The following GRK5 variants were observed in gnomAD, a reference collection of about 807,000 sequenced individuals.
GRK5 encodes the protein G protein-coupled receptor kinase 5.
Under a neutral mutation model 78.4 loss-of-function variants are expected in GRK5, and 40 were observed. That is an observed-to-expected ratio of 0.51 (90% CI 0.40 to 0.66). The LOEUF (loss-of-function observed/expected upper bound fraction) is 0.66. Ranked by LOEUF, GRK5 falls within the 30% of genes least tolerant of loss-of-function variation. The pLI, the probability that GRK5 is intolerant of heterozygous loss-of-function variation, is 0.00. For synonymous variants in GRK5, 289 were observed against 296.8 expected, an observed-to-expected ratio of 0.97 and a Z score of 0.27; for missense variants, 598 against 759.9, an observed-to-expected ratio of 0.79 and a Z score of 2.50.
intron 3 of GRK5, among the ~76,000 whole-genome samples, chr10:119,385,656 T>G (rs1851782007): frequency 6.6e-6 from 1 of 152,152 alleles, no homozygotes; most frequent in African/African-American, 2.4e-5. Flanking sequence ...AGAGAAGAGT[T>G]AAGGAAGACT....
intron 1 of GRK5, among the ~76,000 whole-genome samples, chr10:119,291,234 T>C (rs1849949061): frequency 6.6e-6 from 1 of 152,182 alleles, no homozygotes; most frequent in African/African-American, 2.4e-5. Flanking sequence ...AAGCTGCCAT[T>C]GGAGGTGAAG....
intron 1 of GRK5, among the ~76,000 whole-genome samples, chr10:119,300,650 G>A (rs1344586301): frequency 6.6e-6 from 1 of 152,210 alleles, no homozygotes; most frequent in Admixed American, 6.5e-5. Flanking sequence ...TTTGGGAGAT[G>A]ATCTCACCTG....
At chr10:119,261,439 C>T (rs1433848769) in intron 1 of GRK5, among the ~76,000 whole-genome samples, 8 of 144,120 alleles carry the variant, frequency 5.6e-5, no homozygotes, top group African/African-American at 2.1e-4. Flanking sequence ...AGAGGGGCTC[C>T]TCACATCCCA....
intron 1 of GRK5, among the ~76,000 whole-genome samples, chr10:119,208,374 G>T (rs1038533100): frequency 2.8e-4 from 43 of 152,220 alleles, no homozygotes; most frequent in African/African-American, 9.1e-4. Context: ...AGGGGCGGGG[G>T]TGGAATGAGC....
chr10:119,260,930 C>T (rs1849373568), intron 1 of GRK5, among the ~76,000 whole-genome samples: 1 of 152,130 alleles, frequency 6.6e-6, no homozygotes, highest in African/African-American at 2.4e-5. Context: ...GCACACCTCC[C>T]AGACGGGGTG....
rs544222738 is a variant in GRK5, at chr10:119,356,899, A to C, written c.149-23916A>C. Among the ~76,000 whole-genome samples, 12 of 152,346 alleles carry C rather than the reference A, an allele frequency of 7.9e-5. No homozygotes were observed. In the East Asian group the frequency reaches 2.3e-3, roughly 29 times the overall value. On this transcript the variant is annotated intron_variant, in intron 2 of 15. Coordinates refer to ENST00000392870, the MANE Select transcript of GRK5 (RefSeq NM_005308.3). ...AACGATAAAGGCTTTGCTTTACTAA[A>C]ATTTGCTGTGCCAGCCCTCTCTTTA...
chr10:119,221,062 G>A (rs538279289), intron 1 of GRK5, among the ~76,000 whole-genome samples: 2 of 145,656 alleles, frequency 1.4e-5, no homozygotes, highest in African/African-American at 5.1e-5. Context: ...AGGCTGAAGG[G>A]AGAGAATGGC....
chr10:119,209,940 G>A (rs987892961), intron 1 of GRK5, among the ~76,000 whole-genome samples: 13 of 151,652 alleles, frequency 8.6e-5, no homozygotes, highest in African/African-American at 4.9e-5. Context: ...AATTCCACCC[G>A]CCCCCTCCAA....
At chr10:119,209,670 G>A (rs1848454115) in intron 1 of GRK5, among the ~76,000 whole-genome samples, 1 of 151,826 alleles carries the variant, frequency 6.6e-6, no homozygotes, top group Admixed American at 6.6e-5. Context: ...CTAGTGGTGG[G>A]ACACGGTTGT....
chr10:119,207,752 G>T lies in GRK5; in HGVS notation c.-166G>T, dbSNP rs1213670619. The stretch of plus-strand genomic sequence containing the variant: ...GCGGCGGCTCCTCTTTGCAGAGGGG[G>T]AAACTCTTGGGCTGAGAGCAGGAAT... On this transcript the variant is annotated 5_prime_UTR_variant, in exon 1 of 16. Transcript: ENST00000392870. 4 of 650,914 alleles carry T rather than the reference G, an allele frequency of 6.1e-6. No individual in the cohort carries two copies. Among genetic ancestry groups the T allele is most frequent in the African/African-American group, 5.9e-5 (3 of 50,836 alleles). 40.3% of individuals were successfully genotyped at this position (650,914 alleles called of 1,614,324 possible).
chr10:119,443,539 C>T lies in GRK5; in HGVS notation c.1058-5C>T. 3 of 1,599,640 alleles carry T rather than the reference C, an allele frequency of 1.9e-6. No individual in the cohort carries two copies. The highest frequency in any genetic ancestry group is 2.6e-6 in the Non-Finnish European group (3 of 1,168,194). Reference sequence around the variant, plus strand: ...TCACTCCTCTCTCCTCTCCTCTGCCCCCAGCTCCAGAGGTCCTGAACAACC... The same window carrying T: ...TCACTCCTCTCTCCTCTCCTCTGCCTCCAGCTCCAGAGGTCCTGAACAACC... On this transcript the variant is annotated splice_polypyrimidine_tract_variant and splice_region_variant and intron_variant, in intron 11 of 15. Coordinates refer to ENST00000392870, the MANE Select transcript of GRK5 (RefSeq NM_005308.3).
intron 1 of GRK5, among the ~76,000 whole-genome samples, chr10:119,292,726 G>C (rs4752280): frequency 1 from 152,202 of 152,356 alleles, 76,024 homozygotes; most frequent in East Asian, 1. Context: ...CCTATACACA[G>C]CCTCTGGTAT....
chr10:119,307,786 C>T (rs984694050), intron 1 of GRK5, among the ~76,000 whole-genome samples: 1 of 152,118 alleles, frequency 6.6e-6, no homozygotes, highest in Non-Finnish European at 1.5e-5. Flanking sequence ...GCCCTCCTTT[C>T]TGCATACACA....
rs1401448437 is a variant in GRK5 at position 119,217,115 on chromosome 10, C to G, written c.52+9146C>G. On this transcript the variant is annotated intron_variant, in intron 1 of 15. Coordinates refer to ENST00000392870, the MANE Select transcript of GRK5 (RefSeq NM_005308.3). The surrounding 1 kb of genome is among the most constrained non-coding windows in gnomAD (Gnocchi z 4.1). ...ATAATATATGCCAAAACAACAAACT[C>G]TTCTCGAGATGGTAGGGTTTTTAAG... Among the ~76,000 whole-genome samples the G allele has an allele frequency of 7.2e-5, 11 of 152,142 alleles. No homozygotes were observed. The highest frequency in any genetic ancestry group is 2.4e-4 in the African/African-American group (10 of 41,420).
chr10:119,441,938 A>T, intron 10 of GRK5, 61 bp from the exon 11 acceptor site: 1 of 1,374,044 alleles, frequency 7.3e-7, no homozygotes, highest in Non-Finnish European at 1.0e-6. Flanking sequence ...AAGGGCACAC[A>T]GCAAGGCCGG....
intron 2 of GRK5, among the ~76,000 whole-genome samples, chr10:119,346,190 G>A (rs1158469378): frequency 1.3e-5 from 2 of 152,198 alleles, no homozygotes; most frequent in Non-Finnish European, 2.9e-5. Context: ...CAAAACCAGT[G>A]AGCAAGCAAG....
intron 5 of GRK5, among the ~76,000 whole-genome samples, chr10:119,424,119 A>G (rs1355149960): frequency 6.6e-6 from 1 of 152,132 alleles, no homozygotes; most frequent in Non-Finnish European, 1.5e-5. Context: ...GGGCAGAGCA[A>G]GCTTGGTTGC....
intron 4 of GRK5, among the ~76,000 whole-genome samples, chr10:119,408,163 C>CAAAAAAA (rs34029208): frequency 8.1e-5 from 6 of 73,930 alleles, no homozygotes; most frequent in East Asian, 3.8e-4. Flanking sequence ...AACTCCATCT[C>CAAAAAAA]AAAAAAAAAA....
In GRK5 at chr10:119,399,426, A is replaced by T. The variant is rs79832212; in HGVS notation, c.339+2654A>T. On this transcript the variant is annotated intron_variant, in intron 4 of 15. Transcript: ENST00000392870. Reference sequence around the variant, plus strand: ...GACTGAGGCCCCAGCACTGGCTCAGAAGACTTTGACCAACTGCAAAGCCAC... The same window carrying T: ...GACTGAGGCCCCAGCACTGGCTCAGTAGACTTTGACCAACTGCAAAGCCAC... Among the ~76,000 whole-genome samples, 641 of 152,284 alleles carry T rather than the reference A, an allele frequency of 4.2e-3. 39 individuals carry two copies. In the East Asian group the frequency reaches 0.11, roughly 27 times the overall value.
Sources: gnomAD v4.1 joint callset for allele counts (sites outside exome capture counted in the v4.1 genomes callset) on GRCh38, gnomAD v4.1.1 for gene constraint, Gnocchi (gnomAD v3.1) non-coding constraint, MANE v1.5 for transcripts, NCBI Gene and HGNC (gene_info 2026-07-23, HGNC 2026-07-21) for gene names.